IQGAP1: variants seen among roughly 807,000 people sequenced by gnomAD.
IQGAP1 encodes IQ motif containing GTPase activating protein 1.
IQGAP1 carries 66 observed loss-of-function variants against 215.6 expected under a neutral mutation model. The observed-to-expected ratio is 0.31, with a 90% CI of 0.25 to 0.38. IQGAP1 has a LOEUF of 0.38. Ranked by LOEUF, IQGAP1 falls within the 10% of genes least tolerant of loss-of-function variation. IQGAP1 has a pLI of 1.00. For synonymous variants in IQGAP1, 772 were observed against 728.7 expected (o/e 1.06, Z -0.96); for missense variants, 1,712 against 1,997.1 (o/e 0.86, Z 2.72).
At position 90,493,367 on chromosome 15, in the gene IQGAP1, G is replaced by A. The variant is rs574180643; in HGVS notation, c.4628+656G>A. 3.3e-5 allele frequency among the ~76,000 whole-genome samples: 5 copies of A among 152,270 alleles called. No homozygotes were observed. The East Asian group carries it at 9.7e-4, about 29-fold the overall frequency. ...CTTGCTCCTCTCTATACTTCCTGGGGACAAGATCACAGGCTCTGATTTTTT... is the reference window on the plus strand; with the variant it reads ...CTTGCTCCTCTCTATACTTCCTGGGAACAAGATCACAGGCTCTGATTTTTT... On this transcript the variant is annotated intron_variant, in intron 35 of 37. Transcript: ENST00000268182.
rs888300381 is a variant in IQGAP1 at position 90,439,423 on chromosome 15, G to A, written c.535+24G>A. The A allele has an allele frequency of 2.5e-6, 4 of 1,585,470 alleles. 1 individual carries two copies. The highest frequency in any genetic ancestry group is 3.4e-5 in the Admixed American group (2 of 59,674). Reference sequence around the variant, plus strand: ...AGGTAAGGAGTTAGATACTTGGCAGGAAATGCTTGAATTATGTGGAAATAG... The same window carrying A: ...AGGTAAGGAGTTAGATACTTGGCAGAAAATGCTTGAATTATGTGGAAATAG... On this transcript the variant is annotated intron_variant, in intron 6 of 37. Transcript: ENST00000268182.
intron 11 of IQGAP1, among the ~76,000 whole-genome samples, chr15:90,452,064 G>A (rs1222160190): frequency 1.3e-5 from 2 of 152,086 alleles, no homozygotes; most frequent in Non-Finnish European, 2.9e-5. Context: ...TCCTGACCTC[G>A]TGATCCACCT....
intron 6 of IQGAP1, among the ~76,000 whole-genome samples, chr15:90,439,953 T>C (rs1965425490): frequency 1.3e-5 from 2 of 152,234 alleles, no homozygotes; most frequent in Non-Finnish European, 2.9e-5. Flanking sequence ...TTCAAGTCTT[T>C]CAAAGTGGTG....
rs774062202 is a variant in IQGAP1, at chr15:90,474,481, T to C, written c.2576-4T>C. 13 of 1,611,552 alleles carry C rather than the reference T, an allele frequency of 8.1e-6. No individual in the cohort carries two copies. The Admixed American group carries it at 1.8e-4, about 23-fold the overall frequency. On this transcript the variant is annotated splice_polypyrimidine_tract_variant and splice_region_variant and intron_variant, in intron 22 of 37. Transcript: ENST00000268182. ...TCCATTCTTTGATGCATACTTTCTG[T>C]CAGTCAATGCTGAGGATCCTCCTAT...
At chr15:90,465,946 T>C (rs2151028930) in intron 15 of IQGAP1, 55 bp from the exon 16 acceptor site, 1 of 1,338,340 alleles carries the variant, frequency 7.5e-7, no homozygotes, top group Non-Finnish European at 1.1e-6. Flanking sequence ...TTCACATGTA[T>C]GTTACATGTA....
intron 30 of IQGAP1, among the ~76,000 whole-genome samples, chr15:90,484,786 G>A (rs191379836): frequency 6.6e-6 from 1 of 152,236 alleles, no homozygotes; most frequent in Non-Finnish European, 1.5e-5. Flanking sequence ...TGGGATTACA[G>A]GCGTGAGCCA....
At chr15:90,442,553 A>G (rs775109663) in intron 8 of IQGAP1, among the ~76,000 whole-genome samples, 7 of 152,296 alleles carry the variant, frequency 4.6e-5, no homozygotes, top group Admixed American at 2.0e-4. Context: ...TGTATCTCTT[A>G]TCATAGAGCA....
chr15:90,448,431 T>C (rs2151022134), intron 9 of IQGAP1, 142 bp from the exon 10 acceptor site: 1 of 689,924 alleles, frequency 1.4e-6, no homozygotes, highest in East Asian at 3.1e-5. Context: ...CCCAAGATCT[T>C]ATGCTTCTGA....
chr15:90,494,910 TTTCTC>T (rs1966251702), intron 36 of IQGAP1, 75 bp downstream of exon 36: 10 of 1,065,288 alleles, frequency 9.4e-6, no homozygotes, highest in Non-Finnish European at 1.4e-5. Flanking sequence ...TTTGTCTTCA[TTTCTC>T]TTTTCTGGAT....
In IQGAP1 at chr15:90,388,315, C is replaced by G; in HGVS notation, c.-27C>G. The G allele has an allele frequency of 6.3e-7, 1 of 1,597,942 alleles. No individual in the cohort carries two copies. Among genetic ancestry groups the G allele is most frequent in the East Asian group, 2.3e-5 (1 of 43,254 alleles). On this transcript the variant is annotated 5_prime_UTR_variant, in exon 1 of 38. Coordinates refer to ENST00000268182, the MANE Select transcript of IQGAP1 (RefSeq NM_003870.4). ...CGCGCCTCCAAGGTTTCACGGCTTC[C>G]TCAGCAGAGACTCGGGCTCGTCCGC... is the stretch of plus-strand genomic sequence containing the variant.
rs143504104 is a variant in IQGAP1, at chr15:90,426,633, G to A, written c.312+367G>A. On this transcript the variant is annotated intron_variant, in intron 3 of 37. Coordinates refer to ENST00000268182, the MANE Select transcript of IQGAP1 (RefSeq NM_003870.4). ...TTTTTTAATTCTTTAGAAGGTAGAA[G>A]AAATAACTAGGGGAATTACCACTTT... Among the ~76,000 whole-genome samples, 470 of 152,166 alleles carry A rather than the reference G, an allele frequency of 3.1e-3. 1 individual carries two copies. Among genetic ancestry groups the A allele is most frequent in the Non-Finnish European group, 5.1e-3 (344 of 68,004 alleles).
Position 90,501,711 on chromosome 15 carries a change from G to GT in IQGAP1, c.*1609dup, listed in dbSNP as rs1183206406. 2 of 152,134 alleles carry GT rather than the reference G, an allele frequency of 1.3e-5. No individual in the cohort carries two copies. The highest frequency in any genetic ancestry group is 2.4e-5 in the African/African-American group (1 of 41,432). The allele number at this position is 152,134 out of a possible 1,614,324, so 9.4% of individuals were successfully genotyped here. A position where few individuals can be genotyped will look rare whatever the true frequency, so the allele number is the denominator to read the frequency against. On this transcript the variant is annotated 3_prime_UTR_variant, in exon 38 of 38. Coordinates refer to ENST00000268182, the MANE Select transcript of IQGAP1 (RefSeq NM_003870.4). ...TTTTTTGTTGTATTTTGGAAGACAG[G>GT]TTTTTTAAAGAAACATTTTCCTCAG... is the stretch of plus-strand genomic sequence containing the variant.
chr15:90,398,148 A>G (rs1274644467), intron 2 of IQGAP1, among the ~76,000 whole-genome samples: 1 of 152,122 alleles, frequency 6.6e-6, no homozygotes, highest in Admixed American at 6.5e-5. Context: ...GGCCTCCTAC[A>G]GTGCTGGGAT....
Position 90,453,113 on chromosome 15 carries a change from T to C in IQGAP1, c.1327-19T>C, listed in dbSNP as rs1351508973. 6 of 1,593,314 alleles carry C rather than the reference T, an allele frequency of 3.8e-6. No individual in the cohort carries two copies. The East Asian group carries it at 1.3e-4, about 36-fold the overall frequency. ...AATGTCTTTCCTCACTGTTTTCCCT[T>C]CTGTCCCTTTCTGTACAGCATAATC... On this transcript the variant is annotated intron_variant, in intron 12 of 37. Coordinates refer to ENST00000268182, the MANE Select transcript of IQGAP1 (RefSeq NM_003870.4).
chr15:90,404,662 G>C (rs562603087), intron 2 of IQGAP1, among the ~76,000 whole-genome samples: 1 of 151,796 alleles, frequency 6.6e-6, no homozygotes, highest in South Asian at 2.1e-4. Context: ...GCAGTGGCCC[G>C]ATCTTGGCCA....
chr15:90,469,107 G>A (rs987412541), intron 18 of IQGAP1, among the ~76,000 whole-genome samples: 6 of 152,148 alleles, frequency 3.9e-5, no homozygotes, highest in Non-Finnish European at 5.9e-5. Flanking sequence ...ATGGACTGTT[G>A]AGGACTTTTA....
intron 26 of IQGAP1, 86 bp from the exon 27 acceptor site, chr15:90,481,874 T>TA: frequency 7.1e-7 from 1 of 1,412,662 alleles, no homozygotes; most frequent in Non-Finnish European, 9.8e-7. Flanking sequence ...TTCTGGGTCT[T>TA]ATAGTTTATG....
intron 6 of IQGAP1, among the ~76,000 whole-genome samples, chr15:90,440,281 A>T (rs962785593): frequency 2.0e-5 from 3 of 152,234 alleles, no homozygotes; most frequent in Non-Finnish European, 4.4e-5. Context: ...TTCTCACTTT[A>T]TAGTTATTTT....
chr15:90,391,041 G>A (rs1964628477), intron 2 of IQGAP1, 168 bp downstream of exon 2: 1 of 538,114 alleles, frequency 1.9e-6, no homozygotes, highest in African/African-American at 1.9e-5. Context: ...TTTGAGACCA[G>A]ATTGGGCAAC....
Sources: gnomAD v4.1 joint callset for allele counts (sites outside exome capture counted in the v4.1 genomes callset) on GRCh38, gnomAD v4.1.1 for gene constraint, MANE v1.5 for transcripts, NCBI Gene and HGNC (gene_info 2026-07-23, HGNC 2026-07-21) for gene names.